The following GRM2 variants were observed in gnomAD, a reference collection of about 807,000 sequenced individuals.
The protein encoded by GRM2 is metabotropic glutamate receptor 2.
GRM2 carries 35 observed loss-of-function variants against 60.4 expected under a neutral mutation model. The observed-to-expected ratio is 0.58, with a 90% CI of 0.44 to 0.77. GRM2 has a LOEUF of 0.77. GRM2 is among the 30% of genes least tolerant of loss of function. The pLI is 0.00. For missense variants in GRM2, 925 were observed against 1,199.5 expected, an observed-to-expected ratio of 0.77 and a Z score of 3.38; for synonymous variants, 437 against 484.1, an observed-to-expected ratio of 0.90 and a Z score of 1.28.
Position 51,712,242 on chromosome 3 carries a change from A to G in GRM2, c.451-231A>G, listed in dbSNP as rs1391498931. ...CAGAGGGGATCAGGTGTGGCTCATGACCCTGGTGTCTCCACCCTGGGTCTT... is the reference window on the plus strand; with the variant it reads ...CAGAGGGGATCAGGTGTGGCTCATGGCCCTGGTGTCTCCACCCTGGGTCTT... On this transcript the variant is annotated intron_variant, in intron 2 of 5. Transcript: ENST00000395052. The surrounding 1 kb of genome is among the most constrained non-coding windows in gnomAD (Gnocchi z 5.3). Among the ~76,000 whole-genome samples, 1 of 151,950 alleles carries G rather than the reference A, an allele frequency of 6.6e-6. No homozygotes were observed. Among genetic ancestry groups the G allele is most frequent in the East Asian group, 1.9e-4 (1 of 5,178 alleles).
Position 51,708,981 on chromosome 3 carries a change from G to T in GRM2, c.-3G>T, listed in dbSNP as rs771959872. The T allele has an allele frequency of 2.6e-6, 4 of 1,565,674 alleles. No homozygotes were observed. Among genetic ancestry groups the T allele is most frequent in the Non-Finnish European group, 3.5e-6 (4 of 1,150,504 alleles). The stretch of plus-strand genomic sequence containing the variant: ...GCGGGACCCATCCATCCCCTTTGGG[G>T]CCATGGGATCGCTGCTTGCGCTCCT... On this transcript the variant is annotated 5_prime_UTR_variant, in exon 2 of 6. Coordinates refer to ENST00000395052, the MANE Select transcript of GRM2 (RefSeq NM_000839.5).
rs1577567339 is a variant in GRM2 at position 51,717,927 on chromosome 3, G to A, written c.2545+110G>A. 4 of 1,396,648 alleles carry A rather than the reference G, an allele frequency of 2.9e-6. No individual in the cohort carries two copies. The highest frequency in any genetic ancestry group is 2.3e-5 in the South Asian group (2 of 86,272). 86.5% of individuals were successfully genotyped at this position (1,396,648 alleles called of 1,614,324 possible). A position where few individuals can be genotyped will look rare whatever the true frequency, so the allele number is the denominator to read the frequency against. On this transcript the variant is annotated intron_variant, in intron 5 of 5. Transcript: ENST00000395052. This position sits in a 1 kb window ranked among gnomAD's most constrained non-coding sequence, Gnocchi z 6.0. ...AGGTGCCCCCCAAATGACACTGGCA[G>A]GAGAGGACAGGAGAGGGGAGGGGAG...
intron 2 of GRM2, among the ~76,000 whole-genome samples, chr3:51,709,843 T>TCACACA (rs1254062964): frequency 7.8e-5 from 2 of 25,596 alleles, no homozygotes; most frequent in East Asian, 2.1e-3. Flanking sequence ...ACACACACCC[T>TCACACA]CACACACACA....
At position 51,712,662 on chromosome 3, in the gene GRM2, G is replaced by A. The variant is rs1205660271; in HGVS notation, c.640G>A (p.Gly214Ser). 8.7e-6 allele frequency: 14 copies of A among 1,613,958 alleles called. No individual in the cohort carries two copies. The highest frequency in any genetic ancestry group is 1.2e-5 in the Non-Finnish European group (14 of 1,180,046). The change falls in exon 3 of 6, where the codon GGC becomes AGC. Residue 214 changes from glycine to serine, a missense_variant. Physicochemically the swap from Gly to Ser is moderately conservative, Grantham distance 56. Transcript: ENST00000395052. This position sits in a 1 kb window ranked among gnomAD's most constrained non-coding sequence, Gnocchi z 5.3. ...CTATGTGTCCACTGTGGCGTCTGAG[G>A]GCGACTATGGCGAGACAGGCATTGA... ...WTYVSTVASE[G>S]DYGETGIEAF...
chr3:51,710,120 G>T (rs932062048), intron 2 of GRM2, among the ~76,000 whole-genome samples: 1 of 151,778 alleles, frequency 6.6e-6, no homozygotes, highest in Non-Finnish European at 1.5e-5. Context: ...CTCCCAAGTA[G>T]CTGGGATTAC....
rs1703812851 is a variant in GRM2 at position 51,713,891 on chromosome 3, G to C, written c.1288+581G>C. ...TCTGCCTCAGTCTCCAGAGTAGCTAGGATGACAGGCATGTGGCACTGCTCC... is the reference window on the plus strand; with the variant it reads ...TCTGCCTCAGTCTCCAGAGTAGCTACGATGACAGGCATGTGGCACTGCTCC... On this transcript the variant is annotated intron_variant, in intron 3 of 5. Transcript: ENST00000395052. The surrounding 1 kb of genome is among the most constrained non-coding windows in gnomAD (Gnocchi z 4.8). The C allele has an allele frequency of 6.9e-6, 3 of 434,380 alleles. No individual in the cohort carries two copies. The highest frequency in any genetic ancestry group is 2.5e-5 in the Admixed American group (1 of 40,806). 26.9% of individuals were successfully genotyped at this position (434,380 alleles called of 1,614,324 possible). A position where few individuals can be genotyped will look rare whatever the true frequency, so the allele number is the denominator to read the frequency against.
In GRM2 at chr3:51,717,891, G is replaced by T; in HGVS notation, c.2545+74G>T. 2 of 1,504,318 alleles carry T rather than the reference G, an allele frequency of 1.3e-6. No homozygotes were observed. Among genetic ancestry groups the T allele is most frequent in the Non-Finnish European group, 1.8e-6 (2 of 1,082,430 alleles). The allele number at this position is 1,504,318 out of a possible 1,614,324, so 93.2% of individuals were successfully genotyped here. ...GCTCCTTGGGTTGCTGAGATCTCTT[G>T]TCTGGGGGTGAGGTGCCCCCCAAAT... On this transcript the variant is annotated intron_variant, in intron 5 of 5. Transcript: ENST00000395052. The surrounding 1 kb of genome is among the most constrained non-coding windows in gnomAD (Gnocchi z 6.0).
rs1010680168 is a variant in GRM2, at chr3:51,716,967, C to T, written c.2365-670C>T. Among the ~76,000 whole-genome samples the T allele has an allele frequency of 2.6e-5, 4 of 152,176 alleles. No homozygotes were observed. The highest frequency in any genetic ancestry group is 7.2e-5 in the African/African-American group (3 of 41,448). On this transcript the variant is annotated intron_variant, in intron 4 of 5. Coordinates refer to ENST00000395052, the MANE Select transcript of GRM2 (RefSeq NM_000839.5). This position sits in a 1 kb window ranked among gnomAD's most constrained non-coding sequence, Gnocchi z 4.0. The stretch of plus-strand genomic sequence containing the variant: ...CCGCTGGGCTTGGCTGCTCTGCTTG[C>T]ACCTGCTGGGCCACCTGCTTGGGTG...
chr3:51,710,860 C>T (rs908434255), intron 2 of GRM2, among the ~76,000 whole-genome samples: 2 of 152,228 alleles, frequency 1.3e-5, no homozygotes, highest in Non-Finnish European at 2.9e-5. Flanking sequence ...TCCTACCTCT[C>T]ACCCAGATTC....
rs764654881 is a variant in GRM2, at chr3:51,717,773, G to A, written c.2501G>A (p.Arg834His). ...GTTAGCCACCGGGCACCCACCAGCC[G>A]CTTTGGCAGTGCTGCTGCCAGGGCC... Reference protein sequence around the residue: ...NVVSHRAPTSRFGSAAARASS... With the variant: ...NVVSHRAPTSHFGSAAARASS... Residue 834 changes from arginine to histidine, a missense_variant, in exon 5 of 6, where the codon CGC becomes CAC. Transcript: ENST00000395052. The surrounding 1 kb of genome is among the most constrained non-coding windows in gnomAD (Gnocchi z 6.0). 40 of 1,614,006 alleles carry A rather than the reference G, an allele frequency of 2.5e-5. No individual in the cohort carries two copies. Among genetic ancestry groups the A allele is most frequent in the Middle Eastern group, 1.7e-4 (1 of 6,044 alleles).
At position 51,717,507 on chromosome 3, in the gene GRM2, C is replaced by T. The variant is rs547044552; in HGVS notation, c.2365-130C>T. 6.6e-5 allele frequency: 46 copies of T among 697,056 alleles called. No individual in the cohort carries two copies. Among genetic ancestry groups the T allele is most frequent in the East Asian group, 6.2e-4 (23 of 37,092 alleles). 43.2% of individuals were successfully genotyped at this position (697,056 alleles called of 1,614,324 possible). A position where few individuals can be genotyped will look rare whatever the true frequency, so the allele number is the denominator to read the frequency against. On this transcript the variant is annotated intron_variant, in intron 4 of 5. Coordinates refer to ENST00000395052, the MANE Select transcript of GRM2 (RefSeq NM_000839.5). This position sits in a 1 kb window ranked among gnomAD's most constrained non-coding sequence, Gnocchi z 6.0. ...ATTTTCCTAGCAATGCTTTGGGATC[C>T]GGCAAATGGACCACAGCCCAGTGTT...
In GRM2 at chr3:51,709,016, G is replaced by A; in HGVS notation, c.33G>A (p.Leu11=). 6.3e-7 allele frequency: 1 copy of A among 1,592,072 alleles called. No individual in the cohort carries two copies. ...CGCTGCTTGCGCTCCTGGCACTGCT[G>A]CTGCTGTGGGGTGCTGTGGCTGAGG... MGSLLALLAL[L]LLWGAVAEGP... The change falls in exon 2 of 6, where the codon CTG becomes CTA. Residue 11 remains leucine (L), a synonymous_variant. Coordinates refer to ENST00000395052, the MANE Select transcript of GRM2 (RefSeq NM_000839.5).
chr3:51,717,941 A>T lies in GRM2; in HGVS notation c.2546-98A>T. ...TGACACTGGCAGGAGAGGACAGGAG[A>T]GGGGAGGGGAGGCTTCCCTCACAGC... On this transcript the variant is annotated intron_variant, in intron 5 of 5. Transcript: ENST00000395052. This position sits in a 1 kb window ranked among gnomAD's most constrained non-coding sequence, Gnocchi z 6.0. 22 of 1,419,796 alleles carry T rather than the reference A, an allele frequency of 1.5e-5. No individual in the cohort carries two copies. The highest frequency in any genetic ancestry group is 2.2e-5 in the Non-Finnish European group (22 of 1,003,406). The allele number at this position is 1,419,796 out of a possible 1,614,324, so 87.9% of individuals were successfully genotyped here. A position where few individuals can be genotyped will look rare whatever the true frequency, so the allele number is the denominator to read the frequency against.
Position 51,717,963 on chromosome 3 carries a change from C to T in GRM2, c.2546-76C>T. The stretch of plus-strand genomic sequence containing the variant: ...GAGAGGGGAGGGGAGGCTTCCCTCA[C>T]AGCCCTGCTTCCCCACTGCCTGCCC... On this transcript the variant is annotated intron_variant, in intron 5 of 5. Transcript: ENST00000395052. This position sits in a 1 kb window ranked among gnomAD's most constrained non-coding sequence, Gnocchi z 6.0. 1.4e-6 allele frequency: 2 copies of T among 1,475,022 alleles called. No homozygotes were observed. Among genetic ancestry groups the T allele is most frequent in the Non-Finnish European group, 9.5e-7 (1 of 1,053,024 alleles). The allele number at this position is 1,475,022 out of a possible 1,614,324, so 91.4% of individuals were successfully genotyped here. A position where few individuals can be genotyped will look rare whatever the true frequency, so the allele number is the denominator to read the frequency against.
Position 51,712,174 on chromosome 3 carries a change from A to G in GRM2, c.451-299A>G, listed in dbSNP as rs1472856125. 3.3e-5 allele frequency among the ~76,000 whole-genome samples: 5 copies of G among 152,082 alleles called. No individual in the cohort carries two copies. Among genetic ancestry groups the G allele is most frequent in the Admixed American group, 1.3e-4 (2 of 15,276 alleles). ...GCCAGGTGCCAACCTCCCTCCACCC[A>G]GGCCTTCCTTGGCCCCCCTGCCATG... On this transcript the variant is annotated intron_variant, in intron 2 of 5. Transcript: ENST00000395052. This position sits in a 1 kb window ranked among gnomAD's most constrained non-coding sequence, Gnocchi z 5.3.
intron 1 of GRM2, chr3:51,708,304 AG>A: frequency 6.6e-6 from 1 of 152,272 alleles, no homozygotes; most frequent in South Asian, 2.1e-4. Context: ...TAAGAACCAA[AG>A]GTTAGAACCC....
rs565449179 is a variant in GRM2 at position 51,717,521 on chromosome 3, C to T, written c.2365-116C>T. 2 of 780,762 alleles carry T rather than the reference C, an allele frequency of 2.6e-6. No homozygotes were observed. Among genetic ancestry groups the T allele is most frequent in the South Asian group, 1.7e-5 (1 of 58,386 alleles). 48.4% of individuals were successfully genotyped at this position (780,762 alleles called of 1,614,324 possible). The stretch of plus-strand genomic sequence containing the variant: ...GCTTTGGGATCCGGCAAATGGACCA[C>T]AGCCCAGTGTTGGATGCTTAGTCTC... On this transcript the variant is annotated intron_variant, in intron 4 of 5. Coordinates refer to ENST00000395052, the MANE Select transcript of GRM2 (RefSeq NM_000839.5). This position sits in a 1 kb window ranked among gnomAD's most constrained non-coding sequence, Gnocchi z 6.0.
rs768100741 is a variant in GRM2, at chr3:51,718,137, C to T, written c.*25C>T. On this transcript the variant is annotated 3_prime_UTR_variant, in exon 6 of 6. Transcript: ENST00000395052. The surrounding 1 kb of genome is among the most constrained non-coding windows in gnomAD (Gnocchi z 4.2). ...AAGACCCCATACTCCCGCCCTGACA[C>T]AGCTGCTCCTGGGAACCTAGTGCAG... The T allele has an allele frequency of 2.1e-5, 34 of 1,602,664 alleles. No homozygotes were observed. Among genetic ancestry groups the T allele is most frequent in the African/African-American group, 1.3e-5 (1 of 74,688 alleles).
rs1001239540 is a variant in GRM2, at chr3:51,713,640, C to A, written c.1288+330C>A. The A allele has an allele frequency of 2.8e-5, 10 of 356,998 alleles. No homozygotes were observed. The Admixed American group carries it at 4.4e-4, about 16-fold the overall frequency. 22.1% of individuals were successfully genotyped at this position (356,998 alleles called of 1,614,324 possible). ...AGGAGACCTCAAGCCCATTCTCAGG[C>A]AGCACCAAGAGTTAGAATCAGTCTG... On this transcript the variant is annotated intron_variant, in intron 3 of 5. Transcript: ENST00000395052. The surrounding 1 kb of genome is among the most constrained non-coding windows in gnomAD (Gnocchi z 4.8).
Sources: allele counts gnomAD v4.1 joint callset (sites outside exome capture counted in the v4.1 genomes callset), GRCh38; gene constraint gnomAD v4.1.1; non-coding constraint Gnocchi (gnomAD v3.1); transcripts MANE v1.5; gene names NCBI Gene and HGNC (gene_info 2026-07-23, HGNC 2026-07-21).